Variants in CPAP observed in about 807,000 individuals in gnomAD.
CPAP encodes centrosome assembly and centriole elongation protein.
chr13:24,885,253 T>C, the CPAP span: 9 of 1,437,518 alleles, frequency 6.3e-6, no homozygotes, highest in African/African-American at 1.1e-4. Flanking sequence ...ATAGAATTCA[T>C]TATTTCAAAA....
chr13:24,930,015 A>C, the CPAP span, among the ~76,000 whole-genome samples: 1 of 149,178 alleles, frequency 6.7e-6, no homozygotes, highest in Non-Finnish European at 1.5e-5. Flanking sequence ...GGCTCAAGTG[A>C]TCCTCCTGCC....
At chr13:24,928,550 C>T in the CPAP span, among the ~76,000 whole-genome samples, 1 of 152,210 alleles carries the variant, frequency 6.6e-6, no homozygotes, top group Non-Finnish European at 1.5e-5. Flanking sequence ...CCTGCCTCAG[C>T]CTCCTGAGTA....
At chr13:24,886,604 T>C in the CPAP span, among the ~76,000 whole-genome samples, 1 of 152,166 alleles carries the variant, frequency 6.6e-6, no homozygotes, top group African/African-American at 2.4e-5. Flanking sequence ...AAGGGGCAGA[T>C]GGCAGACAAG....
chr13:24,901,212 T>G, the CPAP span, among the ~76,000 whole-genome samples: 1 of 152,100 alleles, frequency 6.6e-6, no homozygotes, highest in African/African-American at 2.4e-5. Context: ...AAGCAAACAC[T>G]GGGGGAGGAA....
At chr13:24,902,003 A>G in the CPAP span, among the ~76,000 whole-genome samples, 6 of 152,168 alleles carry the variant, frequency 3.9e-5, no homozygotes, top group Non-Finnish European at 7.3e-5. Context: ...AAAAATAAAA[A>G]TAAAATAAAA....
chr13:24,886,957 G>A, the CPAP span, among the ~76,000 whole-genome samples: 2 of 152,104 alleles, frequency 1.3e-5, no homozygotes, highest in African/African-American at 4.8e-5. Flanking sequence ...AGGTGACCGT[G>A]GGCATAGACA....
chr13:24,888,097 A>T, the CPAP span, among the ~76,000 whole-genome samples: 1 of 152,202 alleles, frequency 6.6e-6, no homozygotes, highest in Non-Finnish European at 1.5e-5. Flanking sequence ...CACAAAAATA[A>T]TTTTTTAAAA....
At chr13:24,900,579 T>C in the CPAP span, among the ~76,000 whole-genome samples, 2 of 151,768 alleles carry the variant, frequency 1.3e-5, no homozygotes, top group African/African-American at 4.8e-5. Flanking sequence ...GAGGTAGAGG[T>C]TGCAGTGAGC....
the CPAP span, chr13:24,905,556 T>C: frequency 6.2e-7 from 1 of 1,614,164 alleles, no homozygotes; most frequent in Non-Finnish European, 8.5e-7. Flanking sequence ...ATTTCATTAT[T>C]AGGGTAGCAT....
chr13:24,899,714 C>T, the CPAP span: 3 of 725,618 alleles, frequency 4.1e-6, no homozygotes, highest in Non-Finnish European at 7.3e-6. Context: ...GAAATAACAG[C>T]CAATCCACTC....
chr13:24,890,134 A>G, the CPAP span, among the ~76,000 whole-genome samples: 1 of 152,252 alleles, frequency 6.6e-6, no homozygotes, highest in Non-Finnish European at 1.5e-5. Flanking sequence ...ATGCAATTTA[A>G]TAAAATGCTA....
At chr13:24,890,535 T>A in the CPAP span, among the ~76,000 whole-genome samples, 1 of 152,206 alleles carries the variant, frequency 6.6e-6, no homozygotes, top group African/African-American at 2.4e-5. Flanking sequence ...TCACACACAC[T>A]GTCAGCTTCC....
chr13:24,885,688 T>G, the CPAP span: 1 of 1,588,316 alleles, frequency 6.3e-7, no homozygotes, highest in South Asian at 1.1e-5. Context: ...AATAAAATTG[T>G]CAAGAGTTAG....
the CPAP span, among the ~76,000 whole-genome samples, chr13:24,930,042 C>T: frequency 2.0e-5 from 3 of 151,348 alleles, no homozygotes; most frequent in South Asian, 6.3e-4. Flanking sequence ...TCCTGAGTAG[C>T]TACAGCCACA....
chr13:24,884,068 T>C, the CPAP span: 2 of 1,611,486 alleles, frequency 1.2e-6, no homozygotes, highest in South Asian at 1.1e-5. Flanking sequence ...TTTTCTTCCA[T>C]CTGGGTAATG....
the CPAP span, among the ~76,000 whole-genome samples, chr13:24,932,107 C>T: frequency 6.6e-6 from 1 of 152,210 alleles, no homozygotes; most frequent in African/African-American, 2.4e-5. Context: ...CGCAGAACCG[C>T]AATCCCCAAA....
chr13:24,922,471 G>A, the CPAP span, among the ~76,000 whole-genome samples: 5 of 152,220 alleles, frequency 3.3e-5, no homozygotes, highest in African/African-American at 9.6e-5. Flanking sequence ...CTGCCGCGCT[G>A]CCCACAGGAA....
chr13:24,908,788 G>A, the CPAP span, among the ~76,000 whole-genome samples: 2 of 151,974 alleles, frequency 1.3e-5, no homozygotes, highest in East Asian at 1.9e-4. Flanking sequence ...AAGATATTTT[G>A]GGATAACTGG....
chr13:24,884,481 G>A, the CPAP span: 3 of 1,613,228 alleles, frequency 1.9e-6, no homozygotes, highest in Non-Finnish European at 1.7e-6. Flanking sequence ...ACCAACACAA[G>A]ATTATCACCT....
Sources: allele counts gnomAD v4.1 joint callset (sites outside exome capture counted in the v4.1 genomes callset), GRCh38; gene constraint gnomAD v4.1.1; transcripts MANE v1.5; gene names NCBI Gene and HGNC (gene_info 2026-07-23, HGNC 2026-07-21).